The following DNER variants were observed in gnomAD, a reference collection of about 807,000 sequenced individuals.
DNER encodes delta/notch like EGF repeat containing.
A neutral mutation model predicts 78.2 loss-of-function variants in DNER; 33 were observed. The observed-to-expected ratio is 0.42, with a 90% CI of 0.32 to 0.56. The LOEUF (loss-of-function observed/expected upper bound fraction) is 0.56, where lower values mean the gene tolerates loss of function less well. Ranked by LOEUF, DNER falls within the 20% of genes least tolerant of loss-of-function variation. The pLI is 0.11. For synonymous variants in DNER, 417 were observed against 384.8 expected (o/e 1.08, Z -0.98); for missense variants, 918 against 975.3 (o/e 0.94, Z 0.78).
At chr2:229,622,734 G>A (rs1698270913) in intron 1 of DNER, among the ~76,000 whole-genome samples, 1 of 152,144 alleles carries the variant, frequency 6.6e-6, no homozygotes, top group Admixed American at 6.5e-5. Flanking sequence ...CTTATAAGAA[G>A]AGAAGAAGAG....
Position 229,588,498 on chromosome 2 carries a change from G to GT in DNER, c.586-11_586-10insA. Reference sequence around the variant, plus strand: ...CAATATCTGGGATCACCTGGGAAGGGAAAAAAAAAACGACATATGATTGGG... The same window carrying GT: ...CAATATCTGGGATCACCTGGGAAGGGTAAAAAAAAAACGACATATGATTGGG... On this transcript the variant is annotated splice_polypyrimidine_tract_variant and intron_variant, in intron 2 of 12. Transcript: ENST00000341772. 6 of 1,189,040 alleles carry GT rather than the reference G, an allele frequency of 5.0e-6. No homozygotes were observed. Among genetic ancestry groups the GT allele is most frequent in the Non-Finnish European group, 7.0e-6 (6 of 851,728 alleles). 73.7% of individuals were successfully genotyped at this position (1,189,040 alleles called of 1,614,324 possible). A position where few individuals can be genotyped will look rare whatever the true frequency, so the allele number is the denominator to read the frequency against.
chr2:229,673,738 C>T (rs1447410131), intron 1 of DNER, among the ~76,000 whole-genome samples: 1 of 152,224 alleles, frequency 6.6e-6, no homozygotes, highest in Non-Finnish European at 1.5e-5. Flanking sequence ...AATGCATCAT[C>T]GACAAAAGAA....
chr2:229,659,394 CA>C (rs1698968178), intron 1 of DNER, among the ~76,000 whole-genome samples: 1 of 152,178 alleles, frequency 6.6e-6, no homozygotes, highest in African/African-American at 2.4e-5. Flanking sequence ...TATTCATAAA[CA>C]TTTAATATTT....
At chr2:229,674,165 T>C (rs1699260716) in intron 1 of DNER, among the ~76,000 whole-genome samples, 1 of 152,224 alleles carries the variant, frequency 6.6e-6, no homozygotes. Flanking sequence ...CTGGTTGGTT[T>C]CTCTATACCC....
At chr2:229,396,919 A>C (rs73100205) in intron 10 of DNER, among the ~76,000 whole-genome samples, 5,128 of 152,230 alleles carry the variant, frequency 0.034, 138 homozygotes, top group African/African-American at 0.073. Context: ...TAACTACTGA[A>C]ATCAGAAGGT....
intron 11 of DNER, among the ~76,000 whole-genome samples, chr2:229,387,899 A>C (rs1209194511): frequency 6.9e-6 from 1 of 144,242 alleles, no homozygotes; most frequent in Non-Finnish European, 1.5e-5. Context: ...GTGTTTTTTA[A>C]TTTTCAACAC....
At chr2:229,523,272 C>T (rs1696137071) in intron 5 of DNER, among the ~76,000 whole-genome samples, 1 of 152,216 alleles carries the variant, frequency 6.6e-6, no homozygotes, top group Non-Finnish European at 1.5e-5. Context: ...GGTTTCTTTC[C>T]TACTCTTTCT....
chr2:229,402,684 T>A (rs368508970), intron 10 of DNER, among the ~76,000 whole-genome samples: 30 of 152,338 alleles, frequency 2.0e-4, no homozygotes, highest in African/African-American at 6.3e-4. Flanking sequence ...GAAGTACGGT[T>A]ACCTTATGTC....
intron 5 of DNER, among the ~76,000 whole-genome samples, chr2:229,539,939 C>T (rs59659672): frequency 0.041 from 6,252 of 152,288 alleles, 440 homozygotes; most frequent in African/African-American, 0.14. Context: ...TTCTCAGAGG[C>T]TATGTCTTGC....
At chr2:229,394,393 T>G (rs1046418656) in intron 10 of DNER, among the ~76,000 whole-genome samples, 1 of 152,216 alleles carries the variant, frequency 6.6e-6, no homozygotes, top group African/African-American at 2.4e-5. Context: ...TCTTCGTAAG[T>G]CCCTATTAAA....
chr2:229,652,348 A>G (rs1698834591), intron 1 of DNER, among the ~76,000 whole-genome samples: 1 of 152,254 alleles, frequency 6.6e-6, no homozygotes. Context: ...TTTATTCTGC[A>G]AAATAAATGA....
At chr2:229,631,266 A>G (rs1698429210) in intron 1 of DNER, among the ~76,000 whole-genome samples, 1 of 152,108 alleles carries the variant, frequency 6.6e-6, no homozygotes, top group African/African-American at 2.4e-5. Flanking sequence ...TGGCCTGGAA[A>G]AGACCAGCTA....
chr2:229,705,342 A>G (rs569182263), intron 1 of DNER, among the ~76,000 whole-genome samples: 64 of 152,392 alleles, frequency 4.2e-4, no homozygotes, highest in Non-Finnish European at 8.1e-4. Flanking sequence ...AGCAAAAGAT[A>G]GCAGACACGT....
intron 1 of DNER, among the ~76,000 whole-genome samples, chr2:229,620,131 T>A (rs574780629): frequency 1.3e-5 from 2 of 152,274 alleles, no homozygotes; most frequent in South Asian, 4.2e-4. Flanking sequence ...ATGGGCACCC[T>A]CTCAGCCTGT....
rs565372094 is a variant in DNER, at chr2:229,419,657, T to G, written c.1487-1427A>C. Among the ~76,000 whole-genome samples the G allele has an allele frequency of 3.6e-4, 55 of 152,278 alleles. 1 individual carries two copies. In the South Asian group the frequency reaches 0.011, roughly 32 times the overall value. On this transcript the variant is annotated intron_variant, in intron 8 of 12. Transcript: ENST00000341772. ...TTTTGAACAGCTTTCCAAATTTAGGTTGTGATAATGGCCCCTTTGAGGAGC... is the reference window on the plus strand; with the variant it reads ...TTTTGAACAGCTTTCCAAATTTAGGGTGTGATAATGGCCCCTTTGAGGAGC...
intron 6 of DNER, among the ~76,000 whole-genome samples, chr2:229,481,485 GA>G (rs2154211454): frequency 6.6e-6 from 1 of 152,226 alleles, no homozygotes; most frequent in African/African-American, 2.4e-5. Context: ...AGGCTTCACT[GA>G]AGGTGTTGGG....
At chr2:229,422,067 A>G (rs1047574075) in intron 8 of DNER, among the ~76,000 whole-genome samples, 4 of 152,192 alleles carry the variant, frequency 2.6e-5, no homozygotes, top group African/African-American at 4.8e-5. Flanking sequence ...TGGGGGGGAA[A>G]AAAGATAAAG....
At chr2:229,592,139 A>G (rs527351197) in intron 1 of DNER, among the ~76,000 whole-genome samples, 2 of 152,294 alleles carry the variant, frequency 1.3e-5, no homozygotes, top group South Asian at 4.2e-4. Flanking sequence ...AAAACCCAAA[A>G]CACCCAATAA....
At chr2:229,660,265 T>C (rs910659324) in intron 1 of DNER, among the ~76,000 whole-genome samples, 2 of 152,160 alleles carry the variant, frequency 1.3e-5, no homozygotes, top group African/African-American at 4.8e-5. Context: ...CCTGATCCTC[T>C]CCCTCCTCCC....
Sources: gnomAD v4.1 joint callset for allele counts (sites outside exome capture counted in the v4.1 genomes callset) on GRCh38, gnomAD v4.1.1 for gene constraint, MANE v1.5 for transcripts, NCBI Gene and HGNC (gene_info 2026-07-23, HGNC 2026-07-21) for gene names.